PDE1A: variants seen among roughly 807,000 people sequenced by gnomAD.
PDE1A encodes the protein dual specificity calcium/calmodulin-dependent 3',5'-cyclic nucleotide phosphodiesterase 1A.
A neutral mutation model predicts 61.7 loss-of-function variants in PDE1A; 35 were observed. The ratio of observed to expected loss-of-function variants is 0.57; its 90% CI spans 0.43 to 0.75. PDE1A has a LOEUF of 0.75. PDE1A is among the 30% of genes least tolerant of loss of function. The probability of loss-of-function intolerance (pLI) is 0.00; values close to 1 mark genes in which losing one functional copy is unlikely to be tolerated. For missense variants in PDE1A, 597 were observed against 630.6 expected (o/e 0.95, Z 0.57); for synonymous variants, 232 against 213.2 (o/e 1.09, Z -0.77).
chr2:182,314,087 C>T (rs1215891301), intron 1 of PDE1A, among the ~76,000 whole-genome samples: 1 of 152,148 alleles, frequency 6.6e-6, no homozygotes, highest in Non-Finnish European at 1.5e-5. Context: ...TGTACACTAA[C>T]ATTCATAAGA....
chr2:182,469,536 C>T (rs547962954), intron 2 of PDE1A, among the ~76,000 whole-genome samples: 87 of 152,108 alleles, frequency 5.7e-4, no homozygotes, highest in African/African-American at 2.0e-3. Flanking sequence ...ACCACTAAAA[C>T]TTTCTCCATA....
intron 2 of PDE1A, among the ~76,000 whole-genome samples, chr2:182,244,064 T>C (rs927803908): frequency 3.3e-5 from 5 of 151,958 alleles, no homozygotes; most frequent in Non-Finnish European, 5.9e-5. Flanking sequence ...ACGGGGTTTC[T>C]CCATGTTGGT....
the PDE1A span, among the ~76,000 whole-genome samples, chr2:182,698,314 T>C: frequency 1.3e-5 from 2 of 152,074 alleles, no homozygotes; most frequent in East Asian, 3.8e-4. Flanking sequence ...TCTTGGACCC[T>C]GAAATTCAGC....
the PDE1A span, among the ~76,000 whole-genome samples, chr2:182,684,217 A>G: frequency 6.6e-6 from 1 of 152,032 alleles, no homozygotes; most frequent in Non-Finnish European, 1.5e-5. Flanking sequence ...CACCAAAACT[A>G]TTTCTAAAGC....
At chr2:182,362,111 C>G (rs1283569864) in intron 1 of PDE1A, among the ~76,000 whole-genome samples, 1 of 152,042 alleles carries the variant, frequency 6.6e-6, no homozygotes, top group Non-Finnish European at 1.5e-5. Flanking sequence ...AGAATTTGCA[C>G]TAGAATTCAG....
intron 1 of PDE1A, among the ~76,000 whole-genome samples, chr2:182,358,638 T>G (rs1213322959): frequency 6.6e-6 from 1 of 151,948 alleles, no homozygotes; most frequent in African/African-American, 2.4e-5. Context: ...ACACTACGAG[T>G]TTTTTGGTAG....
At chr2:182,337,402 A>G (rs1020064229) in intron 1 of PDE1A, among the ~76,000 whole-genome samples, 2 of 152,208 alleles carry the variant, frequency 1.3e-5, no homozygotes, top group Non-Finnish European at 2.9e-5. Context: ...TTACCATCTA[A>G]ATGGTAGAGT....
At chr2:182,253,325 G>T (rs1267707934) in intron 2 of PDE1A, among the ~76,000 whole-genome samples, 1 of 152,134 alleles carries the variant, frequency 6.6e-6, no homozygotes, top group African/African-American at 2.4e-5. Flanking sequence ...TTAAAAGTAA[G>T]TTGACTCCAG....
chr2:182,551,716 G>C, the PDE1A span, among the ~76,000 whole-genome samples: 1 of 152,164 alleles, frequency 6.6e-6, no homozygotes, highest in Non-Finnish European at 1.5e-5. Flanking sequence ...ACAGAGATAA[G>C]TGGCATACTG....
intron 2 of PDE1A, among the ~76,000 whole-genome samples, chr2:182,461,257 T>G (rs532276211): frequency 6.6e-6 from 1 of 152,136 alleles, no homozygotes; most frequent in African/African-American, 2.4e-5. Flanking sequence ...CTGGCACATA[T>G]GACTTCATTA....
chr2:182,408,952 C>T (rs1236860189), intron 1 of PDE1A, among the ~76,000 whole-genome samples: 2 of 152,146 alleles, frequency 1.3e-5, no homozygotes, highest in Non-Finnish European at 2.9e-5. Context: ...TTTGTTCTAC[C>T]AGCTAGTGGC....
chr2:182,446,137 T>C (rs1685116801), intron 2 of PDE1A, among the ~76,000 whole-genome samples: 1 of 152,232 alleles, frequency 6.6e-6, no homozygotes, highest in East Asian at 1.9e-4. Context: ...TTAAATATAA[T>C]AGCCAGAATA....
chr2:182,252,883 G>C (rs1161551176), intron 2 of PDE1A, among the ~76,000 whole-genome samples: 1 of 152,200 alleles, frequency 6.6e-6, no homozygotes, highest in Non-Finnish European at 1.5e-5. Context: ...AAGAGATGGA[G>C]AGTAGACAGA....
intron 1 of PDE1A, among the ~76,000 whole-genome samples, chr2:182,385,000 G>T (rs1700946698): frequency 6.6e-6 from 1 of 152,152 alleles, no homozygotes; most frequent in African/African-American, 2.4e-5. Flanking sequence ...TTACAGGCCA[G>T]GAGAGGGCAG....
At chr2:182,445,446 A>AT in intron 2 of PDE1A, among the ~76,000 whole-genome samples, 1 of 152,150 alleles carries the variant, frequency 6.6e-6, no homozygotes, top group East Asian at 1.9e-4. Flanking sequence ...AAACAGAATT[A>AT]TTTTTTCTAG....
chr2:182,427,185 G>T (rs545690937), upstream of PDE1A: 4 of 171,828 alleles, frequency 2.3e-5, no homozygotes, highest in South Asian at 1.9e-4. Flanking sequence ...ACAAATTAAT[G>T]AAGAAAGATA....
At position 182,273,474 on chromosome 2, in the gene PDE1A, T is replaced by A. The variant is rs183750154; in HGVS notation, c.54-9060A>T. The stretch of plus-strand genomic sequence containing the variant: ...AAAAAAATAGATTTAACATAAAAAA[T>A]ATATATATATATATCTTTTGTCACA... On this transcript the variant is annotated intron_variant, in intron 1 of 13. Transcript: ENST00000351439. 9.6e-3 allele frequency among the ~76,000 whole-genome samples: 1,405 copies of A among 147,082 alleles called. 16 individuals are homozygous for A. Among genetic ancestry groups the A allele is most frequent in the African/African-American group, 0.031 (1,167 of 38,138 alleles).
At chr2:182,581,543 AAATC>A in the PDE1A span, among the ~76,000 whole-genome samples, 1 of 152,226 alleles carries the variant, frequency 6.6e-6, no homozygotes, top group African/African-American at 2.4e-5. Context: ...GTCAGAAATC[AAATC>A]AATCTATTAT....
chr2:182,538,778 C>T, the PDE1A span, among the ~76,000 whole-genome samples: 9 of 152,074 alleles, frequency 5.9e-5, no homozygotes, highest in Admixed American at 3.3e-4. Flanking sequence ...CATATGGTGT[C>T]AGATTTTGTA....
Sources: allele counts gnomAD v4.1 joint callset (sites outside exome capture counted in the v4.1 genomes callset), GRCh38; gene constraint gnomAD v4.1.1; transcripts MANE v1.5; gene names NCBI Gene and HGNC (gene_info 2026-07-23, HGNC 2026-07-21).